SAE1: variants seen among roughly 807,000 people sequenced by gnomAD.
The protein encoded by SAE1 is SUMO-activating enzyme subunit 1.
SAE1 carries 11 observed loss-of-function variants against 40.6 expected under a neutral mutation model. The ratio of observed to expected loss-of-function variants is 0.27; its 90% CI spans 0.17 to 0.45. SAE1 has a LOEUF of 0.45. Among genes scored for constraint, SAE1 ranks in the 20% least tolerant of loss-of-function variants. SAE1 has a pLI of 1.00. For missense variants in SAE1, 373 were observed against 427.3 expected (o/e 0.87, Z 1.12); for synonymous variants, 155 against 154.3 (o/e 1.00, Z -0.03).
chr19:47,154,057 C>T (rs893293836), intron 4 of SAE1, among the ~76,000 whole-genome samples: 3 of 150,956 alleles, frequency 2.0e-5, no homozygotes, highest in African/African-American at 7.3e-5. Context: ...TCCCAAAGTG[C>T]TGGGATTACA....
At chr19:47,185,688 G>A (rs890594224) in intron 6 of SAE1, among the ~76,000 whole-genome samples, 7 of 151,696 alleles carry the variant, frequency 4.6e-5, no homozygotes, top group African/African-American at 1.5e-4. Flanking sequence ...TGCAACCTCC[G>A]CCTCCTGGGT....
chr19:47,172,569 T>G (rs1375597838), intron 6 of SAE1, among the ~76,000 whole-genome samples: 1 of 151,412 alleles, frequency 6.6e-6, no homozygotes, highest in Admixed American at 6.6e-5. Context: ...CCGGATGAGG[T>G]GGTGTGCGCC....
intron 6 of SAE1, among the ~76,000 whole-genome samples, chr19:47,190,616 C>T (rs1385091998): frequency 6.6e-6 from 1 of 152,156 alleles, no homozygotes; most frequent in African/African-American, 2.4e-5. Context: ...ATGTGGTCAG[C>T]GAGGTATGTG....
chr19:47,152,881 T>C lies in SAE1; in HGVS notation c.385-17T>C, dbSNP rs1377468864. 6.2e-7 allele frequency: 1 copy of C among 1,609,372 alleles called. No homozygotes were observed. Among genetic ancestry groups the C allele is most frequent in the Non-Finnish European group, 8.5e-7 (1 of 1,178,698 alleles). ...GTTTGCAAAACTCAAACCCAGCCAA[T>C]TTCTTTCTTTCTGCAGGTGTGTCTG... On this transcript the variant is annotated splice_polypyrimidine_tract_variant and intron_variant, in intron 3 of 8. Transcript: ENST00000270225.
At chr19:47,174,389 G>A (rs944176777) in intron 6 of SAE1, among the ~76,000 whole-genome samples, 1 of 144,952 alleles carries the variant, frequency 6.9e-6, no homozygotes, top group Non-Finnish European at 1.5e-5. Context: ...ATCATACAAT[G>A]TTTTATTTTA....
Position 47,209,145 on chromosome 19 carries a change from A to G in SAE1, c.949-14A>G, listed in dbSNP as rs2058700167. ...AGCACTTGAGCTAAACCCTCTTTTC[A>G]TTTTTCTCCCCAGGCCCTGTCTCAG... is the stretch of plus-strand genomic sequence containing the variant. On this transcript the variant is annotated splice_polypyrimidine_tract_variant and intron_variant, in intron 8 of 8. Coordinates refer to ENST00000270225, the MANE Select transcript of SAE1 (RefSeq NM_005500.3). 1.9e-6 allele frequency: 3 copies of G among 1,609,694 alleles called. No individual in the cohort carries two copies. Among genetic ancestry groups the G allele is most frequent in the African/African-American group, 2.7e-5 (2 of 74,268 alleles).
At position 47,169,894 on chromosome 19, in the gene SAE1, G is replaced by A. The variant is rs538083905; in HGVS notation, c.704G>A (p.Arg235His). Residue 235 changes from arginine (R) to histidine (H), a missense_variant, in exon 6 of 9, where the codon CGC becomes CAC. This residue lies in a region of SAE1 where 351 missense variants were observed against 390.6 expected (regional missense o/e 0.90). Coordinates refer to ENST00000270225, the MANE Select transcript of SAE1 (RefSeq NM_005500.3). ...GAGAAAGCAAAGGCTGCTCTGAAGC[G>A]CACGACCTCCGACTACTTTCTCCTT... ...SSEKAKAALK[R>H]TTSDYFLLQV... The A allele has an allele frequency of 2.3e-5, 37 of 1,613,910 alleles. No individual in the cohort carries two copies. Among genetic ancestry groups the A allele is most frequent in the Admixed American group, 5.0e-5 (3 of 59,996 alleles).
At chr19:47,184,796 T>C (rs1568604004) in intron 6 of SAE1, among the ~76,000 whole-genome samples, 1 of 143,966 alleles carries the variant, frequency 6.9e-6, no homozygotes, top group South Asian at 2.3e-4. Flanking sequence ...GTTTTTGTTT[T>C]GTTTTTGTTT....
chr19:47,152,335 G>A (rs954632190), intron 3 of SAE1, among the ~76,000 whole-genome samples: 2 of 152,188 alleles, frequency 1.3e-5, no homozygotes, highest in Admixed American at 1.3e-4. Flanking sequence ...AGGTCACTTG[G>A]TCTGTAACCT....
intron 6 of SAE1, among the ~76,000 whole-genome samples, chr19:47,191,660 C>T (rs1028417309): frequency 6.6e-6 from 1 of 152,158 alleles, no homozygotes; most frequent in Non-Finnish European, 1.5e-5. Flanking sequence ...TTCTTTGTTA[C>T]TGGGACACAA....
intron 1 of SAE1, among the ~76,000 whole-genome samples, chr19:47,140,466 G>A (rs1380600109): frequency 6.6e-6 from 1 of 151,874 alleles, no homozygotes; most frequent in Non-Finnish European, 1.5e-5. Flanking sequence ...TGGCCAGGCT[G>A]GTCTCGAACT....
chr19:47,153,632 C>T (rs1281111585), intron 4 of SAE1, among the ~76,000 whole-genome samples: 1 of 152,130 alleles, frequency 6.6e-6, no homozygotes, highest in Non-Finnish European at 1.5e-5. Context: ...GAACTCTTCT[C>T]TTGTTCAGCC....
chr19:47,139,209 ATTTTGTGT>A (rs1178044883), intron 1 of SAE1, among the ~76,000 whole-genome samples: 2 of 152,198 alleles, frequency 1.3e-5, no homozygotes, highest in African/African-American at 4.8e-5. Context: ...GCCTCGGCTA[ATTTTGTGT>A]ATTTTTAGTA....
At chr19:47,180,629 C>A (rs2058500025) in intron 6 of SAE1, among the ~76,000 whole-genome samples, 1 of 152,056 alleles carries the variant, frequency 6.6e-6, no homozygotes, top group Non-Finnish European at 1.5e-5. Flanking sequence ...TTGAGACCAG[C>A]CTGGGCAACA....
At position 47,152,956 on chromosome 19, in the gene SAE1, A is replaced by C; in HGVS notation, c.443A>C (p.Lys148Thr). 1.2e-6 allele frequency: 2 copies of C among 1,612,738 alleles called. No individual in the cohort carries two copies. Among genetic ancestry groups the C allele is most frequent in the Non-Finnish European group, 1.7e-6 (2 of 1,179,916 alleles). The part of the protein sequence containing the change: ...VIVKVDQICH[K>T]NSIKFFTGDV... ...GTTAAAGTTGACCAGATCTGTCACA[A>C]AAATAGCATCAAGTTCTTTACAGGA... is the stretch of plus-strand genomic sequence containing the variant. The change falls in exon 4 of 9, where the codon AAA becomes ACA. Residue 148 changes from lysine (K) to threonine (T), a missense_variant. By Grantham distance (78) the Lys-to-Thr change is moderately conservative. Coordinates refer to ENST00000270225, the MANE Select transcript of SAE1 (RefSeq NM_005500.3).
chr19:47,144,174 G>C (rs905273006), intron 2 of SAE1, among the ~76,000 whole-genome samples: 2 of 151,996 alleles, frequency 1.3e-5, no homozygotes, highest in African/African-American at 4.8e-5. Flanking sequence ...TCTGTACTCA[G>C]TATACAAAAA....
chr19:47,161,990 T>C (rs1555792075), intron 5 of SAE1, among the ~76,000 whole-genome samples: 1 of 152,200 alleles, frequency 6.6e-6, no homozygotes, highest in Non-Finnish European at 1.5e-5. Flanking sequence ...TTTAAATTAA[T>C]TAAAATCAAA....
chr19:47,205,409 T>C (rs2123328324), intron 8 of SAE1, among the ~76,000 whole-genome samples: 1 of 151,906 alleles, frequency 6.6e-6, no homozygotes, highest in South Asian at 2.1e-4. Flanking sequence ...TTCTATGTAA[T>C]GGGCACCGAG....
intron 6 of SAE1, among the ~76,000 whole-genome samples, chr19:47,179,382 C>T (rs1399066114): frequency 6.6e-6 from 1 of 151,328 alleles, no homozygotes; most frequent in African/African-American, 2.4e-5. Flanking sequence ...TGGCACACTC[C>T]TATAATCCTA....
Sources: gnomAD v4.1 joint callset for allele counts (sites outside exome capture counted in the v4.1 genomes callset) on GRCh38, gnomAD v4.1.1 for gene constraint, gnomAD v4.1.1 regional missense constraint, MANE v1.5 for transcripts, NCBI Gene and HGNC (gene_info 2026-07-23, HGNC 2026-07-21) for gene names.